Variants in ADGRA3 observed in about 807,000 individuals in gnomAD.
ADGRA3 encodes the protein G-protein coupled receptor 125.
A neutral mutation model predicts 119.8 loss-of-function variants in ADGRA3; 56 were observed. That is an observed-to-expected ratio of 0.47 (90% CI 0.38 to 0.58). ADGRA3 has a LOEUF of 0.58. Among genes scored for constraint, ADGRA3 ranks in the 20% least tolerant of loss-of-function variants. ADGRA3 has a pLI of 0.00. For synonymous variants in ADGRA3, 607 were observed against 623.8 expected (o/e 0.97, Z 0.40); for missense variants, 1,516 against 1,649.0 (o/e 0.92, Z 1.40).
At chr4:22,481,103 T>C (rs1018696275) in intron 1 of ADGRA3, among the ~76,000 whole-genome samples, 2 of 152,190 alleles carry the variant, frequency 1.3e-5, no homozygotes, top group African/African-American at 4.8e-5. Context: ...TGTACTAATG[T>C]AAATTGACAC....
At chr4:22,459,523 T>C (rs931030706) in intron 3 of ADGRA3, among the ~76,000 whole-genome samples, 1 of 151,504 alleles carries the variant, frequency 6.6e-6, no homozygotes, top group Non-Finnish European at 1.5e-5. Flanking sequence ...AGACAGACGA[T>C]GTCAAAAGTA....
chr4:22,410,872 T>G (rs1005865799), intron 14 of ADGRA3, among the ~76,000 whole-genome samples: 1 of 152,134 alleles, frequency 6.6e-6, no homozygotes, highest in Non-Finnish European at 1.5e-5. Context: ...AAAAAGTCTT[T>G]GAAAATAAAT....
chr4:22,388,249 C>T lies in ADGRA3; in HGVS notation c.3422G>A (p.Ser1141Asn). Residue 1141 changes from serine to asparagine, a missense_variant, in exon 19 of 19, where the codon AGT (serine) becomes AAT (asparagine). Ser to Asn is a conservative substitution (Grantham distance 46). This residue lies in a region of ADGRA3 where 1,088 missense variants were observed against 1,107.1 expected (regional missense o/e 0.98). Transcript: ENST00000334304. ...ATTGTCCATTGAATGTTCTGTCAGA[C>T]TATTATCAAGCTGAGGGGTGGAGTT... ...PLNSTPQLDNSLTEHSMDNDI... is the reference protein window; with the variant it reads ...PLNSTPQLDNNLTEHSMDNDI... 1.2e-6 allele frequency: 2 copies of T among 1,613,976 alleles called. No homozygotes were observed. Among genetic ancestry groups the T allele is most frequent in the Non-Finnish European group, 8.5e-7 (1 of 1,179,924 alleles).
chr4:22,425,438 G>A (rs552639213), intron 10 of ADGRA3, among the ~76,000 whole-genome samples: 3 of 152,144 alleles, frequency 2.0e-5, no homozygotes, highest in African/African-American at 2.4e-5. Context: ...TAACTCATAC[G>A]TCTCACCTGA....
Position 22,515,571 on chromosome 4 carries a change from G to A in ADGRA3, c.214C>T (p.Gln72Ter), listed in dbSNP as rs569805222. 6.2e-7 allele frequency: 1 copy of A among 1,603,368 alleles called. No individual in the cohort carries two copies. Among genetic ancestry groups the A allele is most frequent in the South Asian group, 1.1e-5 (1 of 90,378 alleles). ...GGCAGAGTATCTGGGGGCAGGACCT[G>A]CGCGAGTTCCAGGCTGCTGCACACC... The part of the protein sequence containing the change: ...KVVCSSLELA[Q>*]VLPPDTLPNR... The change falls in exon 1 of 19, where the codon CAG becomes TAG. Residue 72 changes from glutamine (Q) to a stop codon, truncating the protein, a stop_gained. Transcript: ENST00000334304. LOFTEE classifies it high-confidence loss of function.
intron 4 of ADGRA3, among the ~76,000 whole-genome samples, chr4:22,453,446 T>G (rs1010884099): frequency 6.6e-6 from 1 of 152,216 alleles, no homozygotes; most frequent in Admixed American, 6.5e-5. Context: ...AAATTTCCTA[T>G]GCAGCACGAA....
intron 12 of ADGRA3, chr4:22,419,900 A>T (rs1444322628): frequency 6.6e-6 from 1 of 152,606 alleles, no homozygotes; most frequent in Admixed American, 6.5e-5. Context: ...CTCTGAGTAT[A>T]GGGTATCAAG....
At chr4:22,466,436 A>C (rs1717661189) in intron 2 of ADGRA3, among the ~76,000 whole-genome samples, 2 of 152,224 alleles carry the variant, frequency 1.3e-5, no homozygotes, top group South Asian at 4.1e-4. Flanking sequence ...CCAGAAAAAT[A>C]CCTGTGAATG....
At chr4:22,451,396 T>C (rs1050546870) in intron 4 of ADGRA3, among the ~76,000 whole-genome samples, 5 of 152,118 alleles carry the variant, frequency 3.3e-5, no homozygotes, top group African/African-American at 7.2e-5. Context: ...AAGTCCATTA[T>C]TGGCTCCCCG....
At chr4:22,466,859 AG>A (rs1360956644) in intron 2 of ADGRA3, among the ~76,000 whole-genome samples, 1 of 152,162 alleles carries the variant, frequency 6.6e-6, no homozygotes, top group Non-Finnish European at 1.5e-5. Context: ...CCACTCAGCG[AG>A]GGGGTGACAC....
chr4:22,408,296 A>G (rs1354158344), intron 14 of ADGRA3, among the ~76,000 whole-genome samples: 1 of 152,030 alleles, frequency 6.6e-6, no homozygotes. Flanking sequence ...CAACCAAGAA[A>G]TTGTACTTCA....
At chr4:22,413,441 T>C (rs1339763767) in intron 13 of ADGRA3, 51 bp from the exon 14 acceptor site, 1 of 1,520,544 alleles carries the variant, frequency 6.6e-7, no homozygotes. Context: ...TCATAACCAA[T>C]TATAAATGTC....
intron 1 of ADGRA3, among the ~76,000 whole-genome samples, chr4:22,512,887 T>G (rs1483100828): frequency 7.2e-6 from 1 of 139,776 alleles, no homozygotes; most frequent in Non-Finnish European, 1.6e-5. Flanking sequence ...ACACGCTACC[T>G]ACTACCTAGA....
At chr4:22,512,934 G>A (rs1440439190) in intron 1 of ADGRA3, among the ~76,000 whole-genome samples, 2 of 152,048 alleles carry the variant, frequency 1.3e-5, no homozygotes, top group African/African-American at 2.4e-5. Flanking sequence ...CTAAGATGAA[G>A]GCAAGGTGAG....
rs1560292115 is a variant in ADGRA3 at position 22,390,332 on chromosome 4, ATATATAAAATACATAT to A, written c.2628-1165_2628-1150del. Among the ~76,000 whole-genome samples, 295 of 132,340 alleles carry A rather than the reference ATATATAAAATACATAT, an allele frequency of 2.2e-3. 15 individuals carry two copies. The highest frequency in any genetic ancestry group is 8.8e-3 in the East Asian group (30 of 3,402). 86.8% of individuals were successfully genotyped at this position (132,340 alleles called of 152,430 possible). On this transcript the variant is annotated intron_variant, in intron 17 of 18. Coordinates refer to ENST00000334304, the MANE Select transcript of ADGRA3 (RefSeq NM_145290.4). ...GCTTCTCTACTGCTTATATATATAT[ATATATAAAATACATAT>A]TATATATATATAATACGTATTATAT...
At chr4:22,411,387 C>A (rs1328884503) in intron 14 of ADGRA3, among the ~76,000 whole-genome samples, 1 of 151,976 alleles carries the variant, frequency 6.6e-6, no homozygotes, top group African/African-American at 2.4e-5. Flanking sequence ...TCACTTGAGT[C>A]CAGGAGATCA....
rs199969154 is a variant in ADGRA3, at chr4:22,476,143, TTTG to T, written c.258-2303_258-2301del. Among the ~76,000 whole-genome samples, 519 of 152,176 alleles carry T rather than the reference TTTG, an allele frequency of 3.4e-3. 2 individuals are homozygous for T. Among genetic ancestry groups the T allele is most frequent in the East Asian group, 0.014 (70 of 5,158 alleles). ...TTCCTCTCATCAAAACCACAAAGGA[TTTG>T]TTGTTGTTGTTTTTAAAAAGCAGTT... On this transcript the variant is annotated intron_variant, in intron 1 of 18. Coordinates refer to ENST00000334304, the MANE Select transcript of ADGRA3 (RefSeq NM_145290.4).
intron 1 of ADGRA3, among the ~76,000 whole-genome samples, chr4:22,509,697 CTCAGGTGT>C (rs1719374526): frequency 6.6e-6 from 1 of 151,820 alleles, no homozygotes; most frequent in South Asian, 2.1e-4. Flanking sequence ...AAGATGGAGA[CTCAGGTGT>C]TCCTCATAGA....
chr4:22,479,350 C>T (rs892010723), intron 1 of ADGRA3, among the ~76,000 whole-genome samples: 2 of 152,028 alleles, frequency 1.3e-5, no homozygotes, highest in African/African-American at 4.8e-5. Context: ...GTAGTCCCAG[C>T]TAAGCAGGAG....
Sources: allele counts gnomAD v4.1 joint callset (sites outside exome capture counted in the v4.1 genomes callset), GRCh38; gene constraint gnomAD v4.1.1; regional missense constraint gnomAD v4.1.1; transcripts MANE v1.5; gene names NCBI Gene and HGNC (gene_info 2026-07-23, HGNC 2026-07-21).